The following THAP12 variants were observed in gnomAD, a reference collection of about 807,000 sequenced individuals.
THAP12 encodes the protein THAP domain containing 12.
THAP12 carries 20 observed loss-of-function variants against 63.0 expected under a neutral mutation model. The ratio of observed to expected loss-of-function variants is 0.32; its 90% CI spans 0.22 to 0.46. THAP12 has a LOEUF of 0.46. Ranked by LOEUF, THAP12 falls within the 20% of genes least tolerant of loss-of-function variation. THAP12 has a pLI of 1.00. For missense variants in THAP12, 568 were observed against 908.2 expected, an observed-to-expected ratio of 0.63 and a Z score of 4.81; for synonymous variants, 264 against 328.4, an observed-to-expected ratio of 0.80 and a Z score of 2.12.
intron 1 of THAP12, among the ~76,000 whole-genome samples, chr11:76,379,008 T>A (rs759611491): frequency 2.0e-5 from 3 of 152,134 alleles, no homozygotes; most frequent in Non-Finnish European, 4.4e-5. Context: ...TCTCAGCAAA[T>A]GCTCACGTTA....
At chr11:76,357,637 A>C (rs1476132433) in intron 3 of THAP12, 5 of 152,204 alleles carry the variant, frequency 3.3e-5, no homozygotes, top group Non-Finnish European at 5.9e-5. Context: ...AAAAAATCAG[A>C]AAGAATCAAC....
chr11:76,362,261 T>G (rs1946602619), intron 2 of THAP12, among the ~76,000 whole-genome samples: 1 of 152,238 alleles, frequency 6.6e-6, no homozygotes, highest in Non-Finnish European at 1.5e-5. Flanking sequence ...GAAGCAGTGA[T>G]TATTTCAAAA....
intron 1 of THAP12, among the ~76,000 whole-genome samples, chr11:76,379,550 T>G (rs1946735633): frequency 6.6e-6 from 1 of 152,238 alleles, no homozygotes; most frequent in Non-Finnish European, 1.5e-5. Context: ...TTTGGAATGC[T>G]GCTGCCCAAG....
chr11:76,367,475 T>A (rs1250992823), intron 1 of THAP12, among the ~76,000 whole-genome samples: 1 of 152,038 alleles, frequency 6.6e-6, no homozygotes, highest in Admixed American at 6.6e-5. Context: ...CAGGGTGGAG[T>A]GCAGTGGTGT....
At position 76,350,991 on chromosome 11, in the gene THAP12, A is replaced by T; in HGVS notation, c.2159T>A (p.Leu720Ter). The part of the protein sequence containing the change: ...NTLTDQRSSN[L>*]ALLNINFDIK... ...ATCAAAATTTATGTTAAGCAAAGCC[A>T]AGTTACTTGACCTTTGGTCTGTCAA... Residue 720 changes from leucine (L) to a stop codon, truncating the protein, a stop_gained, in exon 5 of 5, where the codon TTG becomes TAG. Coordinates refer to ENST00000260045, the MANE Select transcript of THAP12 (RefSeq NM_004705.4). LOFTEE classifies it high-confidence loss of function. 1 of 1,611,726 alleles carries T rather than the reference A, an allele frequency of 6.2e-7. No individual in the cohort carries two copies. Among genetic ancestry groups the T allele is most frequent in the Non-Finnish European group, 8.5e-7 (1 of 1,179,732 alleles).
chr11:76,351,116 A>G lies in THAP12; in HGVS notation c.2034T>C (p.Tyr678=), dbSNP rs1181760902. ...GAATACACAGGACCTTCAGCAATGC[A>G]TACACATTAGGAAAAAACTTGATGT... ...LPDIKFFPNV[Y]ALLKVLCILP... is the part of the protein sequence containing the mutation. The change falls in exon 5 of 5, where the codon TAT becomes TAC. Residue 678 remains tyrosine (Y), a synonymous_variant. Coordinates refer to ENST00000260045, the MANE Select transcript of THAP12 (RefSeq NM_004705.4). 1 of 1,610,924 alleles carries G rather than the reference A, an allele frequency of 6.2e-7. No individual in the cohort carries two copies. Among genetic ancestry groups the G allele is most frequent in the Admixed American group, 1.7e-5 (1 of 59,786 alleles).
rs142381591 is a variant in THAP12, at chr11:76,352,076, G to A, written c.1074C>T (p.Leu358=). 363 of 1,611,990 alleles carry A rather than the reference G, an allele frequency of 2.3e-4. 3 individuals are homozygous for A. The African/African-American group carries it at 4.1e-3, about 18-fold the overall frequency. The change falls in exon 5 of 5, where the codon CTC becomes CTT. Residue 358 remains leucine, a synonymous_variant. Transcript: ENST00000260045. ...LEKYPQAIYT[L]CSSCALNMWL... is the part of the protein sequence containing the mutation. ...ACATATTTAAGGCACAGGAAGAGCA[G>A]AGTGTGTAGATAGCTTGGGGATATT...
chr11:76,372,417 AAAG>A (rs1194507526), intron 1 of THAP12, among the ~76,000 whole-genome samples: 4 of 151,264 alleles, frequency 2.6e-5, no homozygotes. Context: ...TAAAAAAAAA[AAAG>A]AGAGAGAGAG....
intron 1 of THAP12, among the ~76,000 whole-genome samples, chr11:76,376,629 T>TTG (rs1946713282): frequency 6.6e-6 from 1 of 151,048 alleles, no homozygotes; most frequent in African/African-American, 2.4e-5. Flanking sequence ...TTTTTGTTTT[T>TTG]TTTTTTTTTT....
intron 1 of THAP12, among the ~76,000 whole-genome samples, chr11:76,375,124 T>C (rs544073608): frequency 6.6e-6 from 1 of 152,348 alleles, no homozygotes; most frequent in South Asian, 2.1e-4. Context: ...CTGTTTTACA[T>C]TTCACAAAGT....
chr11:76,358,286 T>G (rs1312595746), intron 3 of THAP12: 3 of 151,726 alleles, frequency 2.0e-5, no homozygotes, highest in Non-Finnish European at 2.9e-5. Flanking sequence ...AAAAGAAGGC[T>G]ACAGACCAAG....
At chr11:76,372,610 G>A (rs1005784368) in intron 1 of THAP12, among the ~76,000 whole-genome samples, 11 of 150,366 alleles carry the variant, frequency 7.3e-5, no homozygotes, top group Non-Finnish European at 1.3e-4. Flanking sequence ...AAAAAAAAGG[G>A]ACCGGGCATG....
chr11:76,367,081 C>T (rs1278699470), intron 1 of THAP12, among the ~76,000 whole-genome samples: 1 of 145,532 alleles, frequency 6.9e-6, no homozygotes, highest in Non-Finnish European at 1.5e-5. Context: ...CTTTTCTTTT[C>T]TTTTTTTTTT....
At chr11:76,374,702 T>C (rs1298016465) in intron 1 of THAP12, among the ~76,000 whole-genome samples, 1 of 152,180 alleles carries the variant, frequency 6.6e-6, no homozygotes, top group Admixed American at 6.5e-5. Flanking sequence ...AGACCAAATA[T>C]GAAAAATGCA....
At chr11:76,380,688 G>T in intron 1 of THAP12, 60 bp downstream of exon 1, 2 of 1,256,092 alleles carry the variant, frequency 1.6e-6, no homozygotes, top group Non-Finnish European at 2.0e-6. Context: ...AGGGGCCGGC[G>T]GCTGGCAGCG....
chr11:76,360,711 A>C (rs1206274939), intron 3 of THAP12, among the ~76,000 whole-genome samples: 1 of 152,180 alleles, frequency 6.6e-6, no homozygotes. Context: ...GTGGCCTGTA[A>C]TTAACAGCAC....
In THAP12 at chr11:76,371,642, T is replaced by C. The variant is rs141514540; in HGVS notation, c.90-5670A>G. On this transcript the variant is annotated intron_variant, in intron 1 of 4. Transcript: ENST00000260045. The stretch of plus-strand genomic sequence containing the variant: ...TAGCAAAACTTGTTAAAGCATCCAT[T>C]TGGACTGCATCCACTTATCTTGTTG... Among the ~76,000 whole-genome samples, 336 of 152,166 alleles carry C rather than the reference T, an allele frequency of 2.2e-3. 2 individuals carry two copies. Among genetic ancestry groups the C allele is most frequent in the Non-Finnish European group, 3.4e-3 (228 of 68,010 alleles).
In THAP12 at chr11:76,380,731, C is replaced by A; in HGVS notation, c.89+17G>T. ...CGAAGGTGGGCCCGGGCCGCCCGCT[C>A]TGCGCCCGCCGCTTACCTGGCAGGG... On this transcript the variant is annotated intron_variant, in intron 1 of 4. Coordinates refer to ENST00000260045, the MANE Select transcript of THAP12 (RefSeq NM_004705.4). 16 of 1,412,014 alleles carry A rather than the reference C, an allele frequency of 1.1e-5. No individual in the cohort carries two copies. Among genetic ancestry groups the A allele is most frequent in the Non-Finnish European group, 1.5e-5 (16 of 1,072,110 alleles). The allele number at this position is 1,412,014 out of a possible 1,614,324, so 87.5% of individuals were successfully genotyped here.
intron 2 of THAP12, among the ~76,000 whole-genome samples, chr11:76,365,220 G>C (rs1946622843): frequency 6.6e-6 from 1 of 151,548 alleles, no homozygotes. Flanking sequence ...AGGTGGGGGA[G>C]GTGGCAGAAG....
Sources: gnomAD v4.1 joint callset for allele counts (sites outside exome capture counted in the v4.1 genomes callset) on GRCh38, gnomAD v4.1.1 for gene constraint, MANE v1.5 for transcripts, NCBI Gene and HGNC (gene_info 2026-07-23, HGNC 2026-07-21) for gene names.